DST: variants seen among roughly 807,000 people sequenced by gnomAD.
DST encodes bullous pemphigoid antigen.
Under a neutral mutation model 875.2 loss-of-function variants are expected in DST, and 253 were observed. That is an observed-to-expected ratio of 0.29 (90% confidence interval 0.26 to 0.32). DST has a LOEUF of 0.32. Among genes scored for constraint, DST ranks in the 10% least tolerant of loss-of-function variants. The pLI, the probability that DST is intolerant of heterozygous loss-of-function variation, is 1.00. For missense variants in DST, 8,287 were observed against 9,111.6 expected, an observed-to-expected ratio of 0.91 and a Z score of 3.68; for synonymous variants, 3,124 against 3,197.1, an observed-to-expected ratio of 0.98 and a Z score of 0.77.
At chr6:56,692,479 T>G (rs2099237170) in intron 9 of DST, 3 of 1,289,644 alleles carry the variant, frequency 2.3e-6, no homozygotes, top group Admixed American at 2.3e-5. Context: ...CTGTGTTGCA[T>G]GAGGGCAAAA....
chr6:56,797,710 A>G (rs563590927), intron 4 of DST, among the ~76,000 whole-genome samples: 2 of 151,666 alleles, frequency 1.3e-5, no homozygotes, highest in Admixed American at 1.3e-4. Flanking sequence ...TCCCAGCTAC[A>G]CAGGAGGCTG....
At chr6:56,756,859 A>C (rs753825631) in intron 4 of DST, among the ~76,000 whole-genome samples, 3 of 152,232 alleles carry the variant, frequency 2.0e-5, no homozygotes, top group Non-Finnish European at 4.4e-5. Flanking sequence ...CATGAATTAA[A>C]TCTTTCAAGC....
At position 56,606,174 on chromosome 6, in the gene DST, A is replaced by AAG. The variant is rs1000212236; in HGVS notation, c.8453_8454insCT (p.Ile2819LeufsTer2). The stretch of plus-strand genomic sequence containing the variant: ...TGGGCTTTCCATTCTCATCTCTTAT[A>AAG]CCTCCTCCTTCTTCATCAATGCCAT... On this transcript the variant is annotated frameshift_variant, in exon 40 of 104. Coordinates refer to ENST00000680361, the MANE Select transcript of DST (RefSeq NM_001374736.1). LOFTEE classifies it high-confidence loss of function. 1 of 1,595,416 alleles carries AAG rather than the reference A, an allele frequency of 6.3e-7. No homozygotes were observed. The highest frequency in any genetic ancestry group is 1.3e-5 in the African/African-American group (1 of 74,504).
rs777631996 is a variant in DST, at chr6:56,459,287, A to G, written c.23195-20T>C. 6.2e-7 allele frequency: 1 copy of G among 1,606,068 alleles called. No homozygotes were observed. Among genetic ancestry groups the G allele is most frequent in the South Asian group, 1.1e-5 (1 of 89,806 alleles). ...TGGAATCTGAGGAAAGAAGGTAGAG[A>G]CAGCTCACCCTTATTATTGGGTCCA... On this transcript the variant is annotated intron_variant, in intron 103 of 103. Coordinates refer to ENST00000680361, the MANE Select transcript of DST (RefSeq NM_001374736.1).
chr6:56,591,465 T>G (rs1212148953), intron 49 of DST, among the ~76,000 whole-genome samples: 1 of 152,206 alleles, frequency 6.6e-6, no homozygotes, highest in Admixed American at 6.5e-5. Context: ...AGTACCAACT[T>G]TGGGCCAGGT....
intron 10 of DST, among the ~76,000 whole-genome samples, chr6:56,660,292 CTCA>C (rs2099032408): frequency 6.6e-6 from 1 of 152,130 alleles, no homozygotes; most frequent in Non-Finnish European, 1.5e-5. Context: ...ATAGTACATA[CTCA>C]GCAGTTTGCA....
At chr6:56,672,929 G>A (rs551338540) in intron 9 of DST, among the ~76,000 whole-genome samples, 11 of 152,078 alleles carry the variant, frequency 7.2e-5, no homozygotes, top group Non-Finnish European at 1.0e-4. Context: ...CGATCGCAAC[G>A]GTTCAGAGAA....
At chr6:56,790,434 C>T (rs1389941077) in intron 4 of DST, among the ~76,000 whole-genome samples, 1 of 152,158 alleles carries the variant, frequency 6.6e-6, no homozygotes, top group African/African-American at 2.4e-5. Flanking sequence ...ATTTTAAAAA[C>T]TGTCTTATTA....
At chr6:56,870,431 C>CAAAAA (rs34119606) in intron 3 of DST, among the ~76,000 whole-genome samples, 3 of 51,342 alleles carry the variant, frequency 5.8e-5, no homozygotes, top group African/African-American at 1.3e-4. Flanking sequence ...CTTGCAACTG[C>CAAAAA]AAAAAAAAAA....
At chr6:56,692,760 G>A (rs2099239855) in intron 9 of DST, 3 of 1,289,648 alleles carry the variant, frequency 2.3e-6, no homozygotes. Flanking sequence ...CTGTTTCACT[G>A]TCTTTAGCAG....
Position 56,611,152 on chromosome 6 carries a change from T to A in DST, c.5147+356A>T, listed in dbSNP as rs371591997. 1.1e-4 allele frequency among the ~76,000 whole-genome samples: 16 copies of A among 152,172 alleles called. No individual in the cohort carries two copies. The East Asian group carries it at 2.9e-3, about 28-fold the overall frequency. ...CTGCCATAGGTCTCAGCTAAGAAAA[T>A]GAAGACCATATTTATACATATTTTC... On this transcript the variant is annotated intron_variant, in intron 38 of 103. Coordinates refer to ENST00000680361, the MANE Select transcript of DST (RefSeq NM_001374736.1).
At chr6:56,922,605 C>G (rs1592531117) in intron 2 of DST, among the ~76,000 whole-genome samples, 1 of 151,008 alleles carries the variant, frequency 6.6e-6, no homozygotes, top group African/African-American at 2.4e-5. Flanking sequence ...GTTTTTTTTG[C>G]CTTAGAGCAA....
chr6:56,818,666 T>G (rs183107054), intron 4 of DST, among the ~76,000 whole-genome samples: 35 of 152,274 alleles, frequency 2.3e-4, no homozygotes, highest in African/African-American at 8.4e-4. Context: ...CTGATCAACA[T>G]AAAATTCAGA....
intron 34 of DST, among the ~76,000 whole-genome samples, chr6:56,626,570 A>C (rs969849289): frequency 6.6e-6 from 1 of 152,158 alleles, no homozygotes; most frequent in African/African-American, 2.4e-5. Context: ...ACAATGAAAA[A>C]ATCACCTAAC....
At position 56,517,495 on chromosome 6, in the gene DST, C is replaced by T; in HGVS notation, c.18249+6G>A. On this transcript the variant is annotated splice_donor_region_variant and intron_variant, in intron 70 of 103. Coordinates refer to ENST00000680361, the MANE Select transcript of DST (RefSeq NM_001374736.1). The stretch of plus-strand genomic sequence containing the variant: ...TCATATGGCAATTGGAAATGTATTT[C>T]TTCACCTTTTGAACTTGAAGCTGAG... The T allele has an allele frequency of 6.2e-7, 1 of 1,611,416 alleles. No homozygotes were observed. The highest frequency in any genetic ancestry group is 2.2e-5 in the East Asian group (1 of 44,796).
intron 4 of DST, among the ~76,000 whole-genome samples, chr6:56,785,459 C>T (rs1172783322): frequency 6.6e-6 from 1 of 152,172 alleles, no homozygotes; most frequent in Admixed American, 6.5e-5. Context: ...GCAGTTTGAT[C>T]TCAGACTGCT....
chr6:56,646,120 T>A lies in DST; in HGVS notation c.1617A>T (p.Lys539Asn). The stretch of plus-strand genomic sequence containing the variant: ...ATTTATATAGACGTTTAATTTTTGA[T>A]TTTTCTGTCTCCTTTGGTGGAATTT... The part of the protein sequence containing the change: ...ETEIPPKETE[K>N]SKIKRLYKLL... The change falls in exon 14 of 104, where the codon AAA becomes AAT. Residue 539 changes from lysine (K) to asparagine (N), a missense_variant. By Grantham distance (94) the Lys-to-Asn change is moderately conservative. Transcript: ENST00000680361. The A allele has an allele frequency of 6.5e-7, 1 of 1,544,284 alleles. No homozygotes were observed. The highest frequency in any genetic ancestry group is 8.8e-7 in the Non-Finnish European group (1 of 1,137,154).
chr6:56,627,232 T>C lies in DST; in HGVS notation c.4694A>G (p.Tyr1565Cys). The change falls in exon 34 of 104, where the codon TAT (tyrosine) becomes TGT (cysteine). Residue 1565 changes from tyrosine (Y) to cysteine (C), a missense_variant. Physicochemically the swap from Tyr to Cys is radical, Grantham distance 194. Transcript: ENST00000680361. ...CACTGTAGCTGAGTACTGTTCTGCATATTTTTGACACTCGTCCATTTTGCT... is the reference window on the plus strand; with the variant it reads ...CACTGTAGCTGAGTACTGTTCTGCACATTTTTGACACTCGTCCATTTTGCT... ...KQSKMDECQKYAEQYSATVKD... is the reference protein window; with the variant it reads ...KQSKMDECQKCAEQYSATVKD... 1.9e-6 allele frequency: 3 copies of C among 1,612,800 alleles called. No individual in the cohort carries two copies. Among genetic ancestry groups the C allele is most frequent in the Non-Finnish European group, 2.5e-6 (3 of 1,179,292 alleles).
intron 61 of DST, among the ~76,000 whole-genome samples, chr6:56,549,006 C>T (rs958503237): frequency 6.6e-5 from 10 of 152,080 alleles, no homozygotes; most frequent in Admixed American, 1.3e-4. Context: ...TAAACATGAA[C>T]GAATGAATTT....
Sources: gnomAD v4.1 joint callset for allele counts (sites outside exome capture counted in the v4.1 genomes callset) on GRCh38, gnomAD v4.1.1 for gene constraint, MANE v1.5 for transcripts, NCBI Gene and HGNC (gene_info 2026-07-23, HGNC 2026-07-21) for gene names.